Variants in STXBP4 observed in about 807,000 individuals in gnomAD.
STXBP4 encodes syntaxin binding protein 4.
In STXBP4, 55 loss-of-function variants were observed where a neutral mutation model predicts 76.1. The observed-to-expected ratio is 0.72, with a 90% CI of 0.58 to 0.91. STXBP4 has a LOEUF of 0.91. Ranked by LOEUF, STXBP4 falls within the 40% of genes least tolerant of loss-of-function variation. STXBP4 has a pLI of 0.00. For missense variants in STXBP4, 618 were observed against 636.9 expected (o/e 0.97, Z 0.32); for synonymous variants, 201 against 220.2 (o/e 0.91, Z 0.77).
the STXBP4 span, among the ~76,000 whole-genome samples, chr17:55,211,095 C>G: frequency 4.0e-5 from 6 of 148,816 alleles, no homozygotes; most frequent in East Asian, 7.8e-4. Context: ...CGTGAAATGC[C>G]CCCCCCCATG....
the STXBP4 span, among the ~76,000 whole-genome samples, chr17:55,198,287 T>G: frequency 2.0e-5 from 3 of 152,212 alleles, no homozygotes; most frequent in Non-Finnish European, 4.4e-5. Flanking sequence ...CCTCTGGTCC[T>G]TTTGTTACTT....
rs1406316044 is a variant in STXBP4, at chr17:55,170,526, G to GA, written c.*10621dup. 1.3e-5 allele frequency: 2 copies of GA among 152,074 alleles called. No homozygotes were observed. The highest frequency in any genetic ancestry group is 1.3e-4 in the Admixed American group (2 of 15,266). The allele number at this position is 152,074 out of a possible 1,614,324, so 9.4% of individuals were successfully genotyped here. A position where few individuals can be genotyped will look rare whatever the true frequency, so the allele number is the denominator to read the frequency against. Reference sequence around the variant, plus strand: ...TCTACAGTGAGCCTGTCCTTTATAAGAAAAAATGCTAATGATTTATTGTGT... The same window carrying GA: ...TCTACAGTGAGCCTGTCCTTTATAAGAAAAAAATGCTAATGATTTATTGTGT... On this transcript the variant is annotated 3_prime_UTR_variant, in exon 18 of 18. Transcript: ENST00000376352.
At chr17:55,083,271 C>T (rs868070795) in intron 16 of STXBP4, among the ~76,000 whole-genome samples, 7 of 152,038 alleles carry the variant, frequency 4.6e-5, no homozygotes, top group Admixed American at 1.3e-4. Flanking sequence ...CCACCACACC[C>T]GGCCAGAAAA....
At chr17:54,969,326 G>A (rs1430563903) in intron 1 of STXBP4, among the ~76,000 whole-genome samples, 2 of 152,212 alleles carry the variant, frequency 1.3e-5, no homozygotes. Context: ...GGATGTAATA[G>A]CTTTCTTCAG....
Position 55,021,788 on chromosome 17 carries a change from A to G in STXBP4, c.667-9380A>G, listed in dbSNP as rs374092054. 1.4e-3 allele frequency among the ~76,000 whole-genome samples: 216 copies of G among 152,300 alleles called. 7 individuals are homozygous for G. The South Asian group carries it at 0.043, about 31-fold the overall frequency. On this transcript the variant is annotated intron_variant, in intron 8 of 17. Coordinates refer to ENST00000376352, the MANE Select transcript of STXBP4 (RefSeq NM_178509.6). ...TTCACATAAATTATAAAATGTTACT[A>G]TGTTATTTTTTAGAAAAAAATGAGG...
At chr17:55,094,893 T>C (rs138663076) in intron 16 of STXBP4, among the ~76,000 whole-genome samples, 20 of 152,260 alleles carry the variant, frequency 1.3e-4, no homozygotes, top group African/African-American at 4.8e-4. Flanking sequence ...AAAACAAATA[T>C]CTAGTGTGAA....
chr17:55,012,357 G>C (rs1000999843), intron 8 of STXBP4, among the ~76,000 whole-genome samples: 1 of 152,276 alleles, frequency 6.6e-6, no homozygotes, highest in East Asian at 1.9e-4. Flanking sequence ...CCATAGTAGG[G>C]TTCCTTCTAT....
chr17:55,207,851 A>G, the STXBP4 span, among the ~76,000 whole-genome samples: 1 of 152,192 alleles, frequency 6.6e-6, no homozygotes, highest in Non-Finnish European at 1.5e-5. Flanking sequence ...TAGGATACCC[A>G]CAAAGTGTTA....
At position 54,999,310 on chromosome 17, in the gene STXBP4, A is replaced by G. The variant is rs756939322; in HGVS notation, c.181-35A>G. On this transcript the variant is annotated intron_variant, in intron 4 of 17. Transcript: ENST00000376352. Reference sequence around the variant, plus strand: ...CAATTAATTTTTTTTTAAATACCTCATTAGTTCCTTTATAAATGTTACTGT... The same window carrying G: ...CAATTAATTTTTTTTTAAATACCTCGTTAGTTCCTTTATAAATGTTACTGT... 12 of 1,522,526 alleles carry G rather than the reference A, an allele frequency of 7.9e-6. No homozygotes were observed. In the Middle Eastern group the frequency reaches 5.2e-4, roughly 66 times the overall value. The allele number at this position is 1,522,526 out of a possible 1,614,324, so 94.3% of individuals were successfully genotyped here. A position where few individuals can be genotyped will look rare whatever the true frequency, so the allele number is the denominator to read the frequency against.
At chr17:55,152,963 A>G (rs1015259424) in intron 17 of STXBP4, among the ~76,000 whole-genome samples, 6 of 152,102 alleles carry the variant, frequency 3.9e-5, no homozygotes, top group Non-Finnish European at 8.8e-5. Context: ...GAGCCTCCCT[A>G]TATATTGTTA....
chr17:55,056,613 T>TA (rs1265579020), intron 12 of STXBP4, among the ~76,000 whole-genome samples: 2 of 152,156 alleles, frequency 1.3e-5, no homozygotes, highest in Non-Finnish European at 2.9e-5. Flanking sequence ...ATTATTAGCA[T>TA]AAAATTCAAG....
chr17:55,035,732 G>A (rs1179192582), intron 10 of STXBP4, among the ~76,000 whole-genome samples: 1 of 151,740 alleles, frequency 6.6e-6, no homozygotes, highest in Non-Finnish European at 1.5e-5. Context: ...TGGGATGAAA[G>A]AATTCTTTTC....
At chr17:55,119,217 A>G (rs916405780) in intron 16 of STXBP4, among the ~76,000 whole-genome samples, 3 of 151,998 alleles carry the variant, frequency 2.0e-5, no homozygotes, top group African/African-American at 7.2e-5. Flanking sequence ...TTAAACTGCT[A>G]CCAGTTAAAA....
chr17:55,205,160 A>C, the STXBP4 span, among the ~76,000 whole-genome samples: 1 of 152,104 alleles, frequency 6.6e-6, no homozygotes, highest in Admixed American at 6.6e-5. Flanking sequence ...AATTCAGGAG[A>C]ATTTGTCTTT....
At chr17:55,198,130 G>C in the STXBP4 span, among the ~76,000 whole-genome samples, 3 of 152,216 alleles carry the variant, frequency 2.0e-5, no homozygotes, top group African/African-American at 7.2e-5. Context: ...AAATGAAGTG[G>C]TGGCCCACAA....
chr17:55,100,369 T>C (rs1309414073), intron 16 of STXBP4, among the ~76,000 whole-genome samples: 1 of 152,182 alleles, frequency 6.6e-6, no homozygotes, highest in Non-Finnish European at 1.5e-5. Context: ...TCCTAAAAGG[T>C]TAACACTACC....
chr17:55,118,560 G>A (rs1357015380), intron 16 of STXBP4, among the ~76,000 whole-genome samples: 2 of 96,412 alleles, frequency 2.1e-5, no homozygotes, highest in Admixed American at 9.1e-5. Flanking sequence ...CAAAAGAAAG[G>A]GCTGGGATGG....
At chr17:54,969,793 A>G (rs945798270) in intron 1 of STXBP4, among the ~76,000 whole-genome samples, 4 of 152,178 alleles carry the variant, frequency 2.6e-5, no homozygotes, top group Non-Finnish European at 5.9e-5. Context: ...ACACCAATCG[A>G]CCTGCTGGCA....
chr17:54,995,638 A>G (rs778905314), intron 4 of STXBP4, among the ~76,000 whole-genome samples: 10 of 152,190 alleles, frequency 6.6e-5, no homozygotes, highest in Admixed American at 2.0e-4. Context: ...TTTAACTTTC[A>G]GAGGAAATCT....
Sources: gnomAD v4.1 joint callset for allele counts (sites outside exome capture counted in the v4.1 genomes callset) on GRCh38, gnomAD v4.1.1 for gene constraint, MANE v1.5 for transcripts, NCBI Gene and HGNC (gene_info 2026-07-23, HGNC 2026-07-21) for gene names.